The following CACNA2D1 variants were observed in gnomAD, a reference collection of about 807,000 sequenced individuals.
The protein encoded by CACNA2D1 is calcium voltage-gated channel auxiliary subunit alpha2delta 1, also known as voltage-dependent calcium channel subunit alpha-2/delta-1.
A neutral mutation model predicts 171.5 loss-of-function variants in CACNA2D1; 53 were observed. The observed-to-expected ratio is 0.31, with a 90% CI of 0.25 to 0.39. The LOEUF (loss-of-function observed/expected upper bound fraction) is 0.39, where lower values mean the gene tolerates loss of function less well. CACNA2D1 is among the 10% of genes least tolerant of loss of function. The probability of loss-of-function intolerance (pLI) is 1.00; values close to 1 mark genes in which losing one functional copy is unlikely to be tolerated. For missense variants in CACNA2D1, 903 were observed against 1,299.8 expected, an observed-to-expected ratio of 0.69 and a Z score of 4.69; for synonymous variants, 442 against 443.1, an observed-to-expected ratio of 1.00 and a Z score of 0.03.
intron 1 of CACNA2D1, among the ~76,000 whole-genome samples, chr7:82,420,497 C>T (rs988868771): frequency 3.3e-5 from 5 of 152,072 alleles, no homozygotes; most frequent in Non-Finnish European, 7.4e-5. Context: ...AAATATGAAA[C>T]TTGCACTGCT....
intron 1 of CACNA2D1, among the ~76,000 whole-genome samples, chr7:82,356,839 G>A (rs993354281): frequency 2.0e-5 from 3 of 151,998 alleles, no homozygotes; most frequent in Non-Finnish European, 2.9e-5. Flanking sequence ...AACCTCTAGA[G>A]TGCATGCCTT....
chr7:82,372,111 T>C (rs1376629849), intron 1 of CACNA2D1, among the ~76,000 whole-genome samples: 3 of 152,148 alleles, frequency 2.0e-5, no homozygotes, highest in African/African-American at 7.2e-5. Context: ...TAATAAACAT[T>C]CTGTTATTAG....
intron 1 of CACNA2D1, among the ~76,000 whole-genome samples, chr7:82,381,980 A>G (rs777037821): frequency 6.6e-6 from 1 of 152,208 alleles, no homozygotes. Flanking sequence ...TAGATACTGC[A>G]TATTTCCTAA....
At chr7:82,232,893 GACTTGCTTGAGGTC>G (rs1803125903) in intron 3 of CACNA2D1, among the ~76,000 whole-genome samples, 1 of 71,300 alleles carries the variant, frequency 1.4e-5, no homozygotes, top group South Asian at 4.6e-4. Context: ...AAAAAAAAAA[GACTTGCTTGAGGTC>G]ACATAGATTT....
intron 6 of CACNA2D1, among the ~76,000 whole-genome samples, chr7:82,094,432 T>C (rs540606352): frequency 3.7e-4 from 56 of 152,302 alleles, no homozygotes; most frequent in Admixed American, 1.3e-3. Flanking sequence ...GAACATTACA[T>C]GTTTTACGTA....
chr7:82,443,572 A>C lies in CACNA2D1; in HGVS notation c.-113T>G. The C allele has an allele frequency of 1.3e-6, 2 of 1,489,148 alleles. No individual in the cohort carries two copies. The highest frequency in any genetic ancestry group is 1.3e-5 in the South Asian group (1 of 78,894). The allele number at this position is 1,489,148 out of a possible 1,614,324, so 92.2% of individuals were successfully genotyped here. On this transcript the variant is annotated 5_prime_UTR_variant, in exon 1 of 39. Transcript: ENST00000356860. ...CGCCGCCGGGACCGCGGGCGTCTGG[A>C]GGGCTGGCTGCGCCCGGGGCCCGAG...
chr7:82,382,794 C>A (rs2237525), intron 1 of CACNA2D1, among the ~76,000 whole-genome samples: 1 of 151,972 alleles, frequency 6.6e-6, no homozygotes, highest in African/African-American at 2.4e-5. Context: ...GTGACATGTT[C>A]AGATATCTAG....
chr7:82,134,544 C>T (rs867415182), intron 5 of CACNA2D1, among the ~76,000 whole-genome samples: 9 of 152,146 alleles, frequency 5.9e-5, no homozygotes, highest in African/African-American at 1.9e-4. Flanking sequence ...TGCTGACCAT[C>T]ATAGTTTTAA....
Position 82,443,532 on chromosome 7 carries a change from A to G in CACNA2D1, c.-73T>C. 3.2e-6 allele frequency: 5 copies of G among 1,564,534 alleles called. No individual in the cohort carries two copies. The highest frequency in any genetic ancestry group is 4.3e-6 in the Non-Finnish European group (5 of 1,155,968). On this transcript the variant is annotated 5_prime_UTR_variant, in exon 1 of 39. Coordinates refer to ENST00000356860, the MANE Select transcript of CACNA2D1 (RefSeq NM_000722.4). The stretch of plus-strand genomic sequence containing the variant: ...GAGCGGCGCTGGAAACCGCGGGCGG[A>G]GGAAGAGCAGCACACGCCGCCGGGA...
At chr7:82,245,541 T>C (rs944711326) in intron 3 of CACNA2D1, among the ~76,000 whole-genome samples, 8 of 152,156 alleles carry the variant, frequency 5.3e-5, no homozygotes, top group Non-Finnish European at 8.8e-5. Context: ...TTATCTGTTT[T>C]ATGAATACAA....
intron 1 of CACNA2D1, among the ~76,000 whole-genome samples, chr7:82,416,362 AAAG>A (rs1173719376): frequency 1.3e-5 from 2 of 152,106 alleles, no homozygotes; most frequent in Non-Finnish European, 2.9e-5. Context: ...AGAGCAGCAA[AAAG>A]AAGGTAATGA....
intron 30 of CACNA2D1, 63 bp from the exon 31 acceptor site, chr7:81,967,270 C>A: frequency 8.1e-7 from 1 of 1,228,648 alleles, no homozygotes; most frequent in Non-Finnish European, 1.2e-6. Context: ...TATATTATTA[C>A]CATGTTATAA....
At position 81,971,876 on chromosome 7, in the gene CACNA2D1, A is replaced by G. The variant is rs955873996; in HGVS notation, c.2054-12T>C. 10 of 1,504,120 alleles carry G rather than the reference A, an allele frequency of 6.6e-6. No individual in the cohort carries two copies. The highest frequency in any genetic ancestry group is 1.4e-5 in the African/African-American group (1 of 72,776). 93.2% of individuals were successfully genotyped at this position (1,504,120 alleles called of 1,614,324 possible). A position where few individuals can be genotyped will look rare whatever the true frequency, so the allele number is the denominator to read the frequency against. On this transcript the variant is annotated splice_polypyrimidine_tract_variant and intron_variant, in intron 25 of 38. Transcript: ENST00000356860. ...CAAATCCGCGTTACCTAACACAGAA[A>G]AAGATCATCAGTTACACTCACATTT...
intron 3 of CACNA2D1, among the ~76,000 whole-genome samples, chr7:82,186,356 C>G (rs969705831): frequency 1.3e-5 from 2 of 151,918 alleles, no homozygotes; most frequent in African/African-American, 2.4e-5. Context: ...TTAAATACGC[C>G]CCCTGATTGT....
chr7:82,270,986 T>C (rs1161569387), intron 3 of CACNA2D1, among the ~76,000 whole-genome samples: 3 of 152,148 alleles, frequency 2.0e-5, no homozygotes, highest in Non-Finnish European at 2.9e-5. Context: ...CTGCATCAGA[T>C]GACAAATGAG....
At chr7:82,262,034 A>G (rs1479779611) in intron 3 of CACNA2D1, among the ~76,000 whole-genome samples, 1 of 152,198 alleles carries the variant, frequency 6.6e-6, no homozygotes, top group African/African-American at 2.4e-5. Context: ...AGTTTCATAT[A>G]AAAAATAAAA....
At chr7:82,064,669 T>C (rs1807388532) in intron 8 of CACNA2D1, among the ~76,000 whole-genome samples, 1 of 152,188 alleles carries the variant, frequency 6.6e-6, no homozygotes. Context: ...ACTCCAATTG[T>C]TGACCACAGG....
chr7:81,983,802 G>A (rs753655710), intron 22 of CACNA2D1, among the ~76,000 whole-genome samples: 1 of 151,902 alleles, frequency 6.6e-6, no homozygotes, highest in Non-Finnish European at 1.5e-5. Context: ...GCCTGATGCG[G>A]GCAAAAAAGA....
intron 30 of CACNA2D1, 119 bp from the exon 31 acceptor site, chr7:81,967,326 C>T (rs537802530): frequency 6.9e-6 from 6 of 874,460 alleles, no homozygotes; most frequent in African/African-American, 6.8e-5. Context: ...TAAGATTAAA[C>T]AGTCTAGTCT....
Sources: allele counts gnomAD v4.1 joint callset (sites outside exome capture counted in the v4.1 genomes callset), GRCh38; gene constraint gnomAD v4.1.1; transcripts MANE v1.5; gene names NCBI Gene and HGNC (gene_info 2026-07-23, HGNC 2026-07-21).